The following SEMA6D variants were observed in gnomAD, a reference collection of about 807,000 sequenced individuals.
SEMA6D encodes the protein semaphorin 6D.
A neutral mutation model predicts 106.6 loss-of-function variants in SEMA6D; 35 were observed. The ratio of observed to expected loss-of-function variants is 0.33; its 90% CI spans 0.25 to 0.44. SEMA6D has a LOEUF of 0.44. Ranked by LOEUF, SEMA6D falls within the 20% of genes least tolerant of loss-of-function variation. SEMA6D has a pLI of 1.00. For synonymous variants in SEMA6D, 499 were observed against 487.7 expected (o/e 1.02, Z -0.31); for missense variants, 1,185 against 1,345.9 (o/e 0.88, Z 1.87).
intron 17 of SEMA6D, chr15:47,767,420 T>G (rs2082403314): frequency 4.8e-6 from 1 of 207,966 alleles, no homozygotes; most frequent in African/African-American, 2.3e-5. Context: ...TCTGGTCATC[T>G]GTATTTAATG....
intron 1 of SEMA6D, among the ~76,000 whole-genome samples, chr15:47,290,915 C>A (rs2035569087): frequency 6.6e-6 from 1 of 152,170 alleles, no homozygotes; most frequent in African/African-American, 2.4e-5. Context: ...TTGTATAATT[C>A]AGGTTCCTCT....
At chr15:47,426,990 T>C (rs888675320) in intron 2 of SEMA6D, among the ~76,000 whole-genome samples, 1 of 152,158 alleles carries the variant, frequency 6.6e-6, no homozygotes, top group Non-Finnish European at 1.5e-5. Flanking sequence ...GGTTAAACTA[T>C]TGTAAAAAGG....
chr15:47,762,399 G>A, intron 8 of SEMA6D, 80 bp downstream of exon 8: 1 of 1,502,378 alleles, frequency 6.7e-7, no homozygotes, highest in Non-Finnish European at 9.1e-7. Context: ...GCCATCAAGA[G>A]GTTCAGCGCA....
chr15:47,751,672 G>A (rs1206466460), intron 1 of SEMA6D, among the ~76,000 whole-genome samples: 2 of 152,094 alleles, frequency 1.3e-5, no homozygotes, highest in African/African-American at 4.8e-5. Flanking sequence ...TTGTTTAGTG[G>A]TACTAAATCA....
intron 1 of SEMA6D, among the ~76,000 whole-genome samples, chr15:47,745,812 A>G (rs1459167528): frequency 6.6e-6 from 1 of 152,232 alleles, no homozygotes; most frequent in Admixed American, 6.5e-5. Context: ...AATGGAACCT[A>G]ACTTACCATG....
At position 47,435,127 on chromosome 15, in the gene SEMA6D, T is replaced by C. The variant is rs560514777; in HGVS notation, c.-159+22655T>C. On this transcript the variant is annotated intron_variant, in intron 2 of 19. Transcript: ENST00000558014. ...TCTTTTTATACTATATTTTAACTTATTCTTCATAGATTTTGCAGTTAACAG... is the reference window on the plus strand; with the variant it reads ...TCTTTTTATACTATATTTTAACTTACTCTTCATAGATTTTGCAGTTAACAG... Among the ~76,000 whole-genome samples, 6 of 152,288 alleles carry C rather than the reference T, an allele frequency of 3.9e-5. No individual in the cohort carries two copies. In the South Asian group the frequency reaches 8.3e-4, roughly 21 times the overall value.
At chr15:47,386,978 G>C (rs1234965365) in intron 1 of SEMA6D, among the ~76,000 whole-genome samples, 2 of 152,208 alleles carry the variant, frequency 1.3e-5, no homozygotes, top group Non-Finnish European at 2.9e-5. Context: ...TGTCATTGTG[G>C]GTGTTGGCCC....
intron 1 of SEMA6D, among the ~76,000 whole-genome samples, chr15:47,208,024 C>T (rs1185196653): frequency 6.7e-6 from 1 of 149,908 alleles, no homozygotes; most frequent in Non-Finnish European, 1.5e-5. Context: ...CACACACACA[C>T]ACACACACAC....
At chr15:47,240,569 G>A (rs371548178) in intron 1 of SEMA6D, among the ~76,000 whole-genome samples, 2 of 151,942 alleles carry the variant, frequency 1.3e-5, no homozygotes, top group South Asian at 2.1e-4. Context: ...TTTGTACATC[G>A]TGCATTGGGA....
intron 1 of SEMA6D, among the ~76,000 whole-genome samples, chr15:47,233,596 CT>C (rs1283529570): frequency 9.2e-5 from 14 of 151,982 alleles, no homozygotes; most frequent in Non-Finnish European, 1.6e-4. Context: ...ATTTCTACAA[CT>C]TTTTTTGTAA....
intron 1 of SEMA6D, among the ~76,000 whole-genome samples, chr15:47,323,092 C>T (rs1286237952): frequency 6.6e-6 from 1 of 152,090 alleles, no homozygotes; most frequent in Non-Finnish European, 1.5e-5. Context: ...ATATATATCT[C>T]TCATCTTTTC....
At chr15:47,639,684 G>T (rs977581833) in intron 4 of SEMA6D, among the ~76,000 whole-genome samples, 4 of 152,186 alleles carry the variant, frequency 2.6e-5, no homozygotes, top group Non-Finnish European at 4.4e-5. Flanking sequence ...ATGTAACTTT[G>T]ATATGATGTG....
intron 3 of SEMA6D, among the ~76,000 whole-genome samples, chr15:47,505,287 G>A (rs77412834): frequency 0.011 from 1,651 of 152,278 alleles, 35 homozygotes; most frequent in African/African-American, 0.038. Context: ...AGGTCTCCCA[G>A]CACTTTTGTT....
At chr15:47,374,019 A>G (rs556687752) in intron 1 of SEMA6D, among the ~76,000 whole-genome samples, 1 of 152,328 alleles carries the variant, frequency 6.6e-6, no homozygotes, top group East Asian at 1.9e-4. Context: ...GCAGATGTCC[A>G]GATTAGCTGG....
chr15:47,448,662 G>T (rs535976731), intron 2 of SEMA6D, among the ~76,000 whole-genome samples: 13 of 152,216 alleles, frequency 8.5e-5, no homozygotes, highest in Admixed American at 4.6e-4. Context: ...AGGGGAAAAG[G>T]CTGCAGAAAG....
In SEMA6D at chr15:47,764,659, C is replaced by A. The variant is rs142096314; in HGVS notation, c.1119C>A (p.His373Gln). 6.2e-7 allele frequency: 1 copy of A among 1,613,998 alleles called. No individual in the cohort carries two copies. The highest frequency in any genetic ancestry group is 2.2e-5 in the East Asian group (1 of 44,876). Residue 373 changes from histidine to glutamine, a missense_variant, in exon 12 of 19, where the codon CAC (histidine) becomes CAA (glutamine). Coordinates refer to ENST00000536845, the MANE Select transcript of SEMA6D (RefSeq NM_001358351.3). ...PKPRPGCCAK[H>Q]GLAEAYKTSI... is the part of the protein sequence containing the mutation. ...TCAGGCCTGGCTGTTGTGCAAAACACGGCCTTGCCGAAGCTTATAAAACCT... is the reference window on the plus strand; with the variant it reads ...TCAGGCCTGGCTGTTGTGCAAAACAAGGCCTTGCCGAAGCTTATAAAACCT...
intron 1 of SEMA6D, among the ~76,000 whole-genome samples, chr15:47,740,447 G>A (rs948098691): frequency 6.6e-6 from 1 of 152,244 alleles, no homozygotes; most frequent in East Asian, 1.9e-4. Context: ...TTGAACCCGG[G>A]AGGTGGAGGC....
At chr15:47,593,491 T>C (rs1362576055) in intron 3 of SEMA6D, among the ~76,000 whole-genome samples, 1 of 149,912 alleles carries the variant, frequency 6.7e-6, no homozygotes, top group Non-Finnish European at 1.5e-5. Context: ...AAATGAAGAC[T>C]TTAAAGTCCC....
intron 4 of SEMA6D, among the ~76,000 whole-genome samples, chr15:47,615,119 A>G (rs1005532082): frequency 1.3e-5 from 2 of 152,170 alleles, no homozygotes; most frequent in Non-Finnish European, 2.9e-5. Flanking sequence ...GACCTTCCAT[A>G]TACACAAATT....
Sources: allele counts gnomAD v4.1 joint callset (sites outside exome capture counted in the v4.1 genomes callset), GRCh38; gene constraint gnomAD v4.1.1; transcripts MANE v1.5; gene names NCBI Gene and HGNC (gene_info 2026-07-23, HGNC 2026-07-21).